The following APP variants were observed in gnomAD, a reference collection of about 807,000 sequenced individuals.
APP encodes the protein amyloid-beta precursor protein.
A neutral mutation model predicts 101.4 loss-of-function variants in APP; 31 were observed. The observed-to-expected ratio is 0.31, with a 90% CI of 0.23 to 0.41. The LOEUF (loss-of-function observed/expected upper bound fraction) is 0.41. Ranked by LOEUF, APP falls within the 10% of genes least tolerant of loss-of-function variation. APP has a pLI of 1.00. For missense variants in APP, 839 were observed against 1,003.7 expected (o/e 0.84, Z 2.22); for synonymous variants, 366 against 364.4 (o/e 1.00, Z -0.05).
Position 26,005,717 on chromosome 21 carries a change from T to C in APP, c.866-5535A>G, listed in dbSNP as rs144511175. Reference sequence around the variant, plus strand: ...AGTTCAAATGCTTATGTTTACATTTTCTATTTTTCTCAATAGCATAATTTC... The same window carrying C: ...AGTTCAAATGCTTATGTTTACATTTCCTATTTTTCTCAATAGCATAATTTC... On this transcript the variant is annotated intron_variant, in intron 6 of 17. Transcript: ENST00000346798. Among the ~76,000 whole-genome samples the C allele has an allele frequency of 8.5e-5, 13 of 152,356 alleles. No individual in the cohort carries two copies. The East Asian group carries it at 2.5e-3, about 29-fold the overall frequency.
At chr21:26,044,090 A>G (rs185933553) in intron 5 of APP, among the ~76,000 whole-genome samples, 1 of 152,336 alleles carries the variant, frequency 6.6e-6, no homozygotes. Flanking sequence ...AGGTGATGCA[A>G]TAGGGAAATT....
At chr21:26,098,950 G>GA (rs1035242089) in intron 2 of APP, among the ~76,000 whole-genome samples, 28 of 152,104 alleles carry the variant, frequency 1.8e-4, no homozygotes, top group Admixed American at 1.2e-3. Context: ...ATAGTTAAGG[G>GA]AAAAAACCTG....
intron 13 of APP, among the ~76,000 whole-genome samples, chr21:25,933,290 A>G (rs1011249501): frequency 6.6e-6 from 1 of 152,100 alleles, no homozygotes; most frequent in Non-Finnish European, 1.5e-5. Flanking sequence ...TTTTGTAGAG[A>G]TGGGGTCTCA....
chr21:25,943,727 C>T (rs1439028066), intron 13 of APP, among the ~76,000 whole-genome samples: 1 of 152,196 alleles, frequency 6.6e-6, no homozygotes, highest in Non-Finnish European at 1.5e-5. Context: ...AGCCACTGTG[C>T]CCAGTCTATC....
chr21:25,910,355 C>A (rs947308038), intron 14 of APP, among the ~76,000 whole-genome samples: 1 of 152,132 alleles, frequency 6.6e-6, no homozygotes, highest in Non-Finnish European at 1.5e-5. Flanking sequence ...TGGTCTCGAT[C>A]TCCTGACCTT....
chr21:25,945,655 T>C, intron 13 of APP: 1 of 280,852 alleles, frequency 3.6e-6, no homozygotes, highest in South Asian at 3.0e-5. Flanking sequence ...GACAATTGAT[T>C]TTGTGTAATA....
intron 2 of APP, among the ~76,000 whole-genome samples, chr21:26,105,545 A>G (rs2062163057): frequency 6.6e-6 from 1 of 152,194 alleles, no homozygotes; most frequent in African/African-American, 2.4e-5. Context: ...AGGCAAAACG[A>G]ACACTTTCCA....
intron 2 of APP, among the ~76,000 whole-genome samples, chr21:26,095,670 G>C (rs61040172): frequency 0.047 from 7,145 of 152,196 alleles, 275 homozygotes; most frequent in East Asian, 0.13. Context: ...TGCAGATATA[G>C]GAGGACTACT....
intron 8 of APP, among the ~76,000 whole-genome samples, chr21:25,996,751 G>A (rs1211670056): frequency 6.6e-6 from 1 of 152,208 alleles, no homozygotes; most frequent in Non-Finnish European, 1.5e-5. Flanking sequence ...CGATTGTGCG[G>A]GATGCGCCAG....
chr21:25,892,949 T>TAAAAA (rs768171775), intron 16 of APP, among the ~76,000 whole-genome samples: 2 of 90,730 alleles, frequency 2.2e-5, no homozygotes, highest in African/African-American at 6.7e-5. Flanking sequence ...AGATAGTATT[T>TAAAAA]AAAAAAAAAA....
chr21:26,067,928 A>C (rs958117764), intron 3 of APP, among the ~76,000 whole-genome samples: 10 of 152,022 alleles, frequency 6.6e-5, no homozygotes, highest in African/African-American at 2.4e-4. Context: ...AAAAAAAAAA[A>C]ACAAAAAACT....
Position 25,881,007 on chromosome 21 carries a change from G to A in APP, c.*663C>T, listed in dbSNP as rs572356515. 6 of 134,164 alleles carry A rather than the reference G, an allele frequency of 4.5e-5. No individual in the cohort carries two copies. The highest frequency in any genetic ancestry group is 6.3e-5 in the Non-Finnish European group (4 of 63,974). 8.3% of individuals were successfully genotyped at this position (134,164 alleles called of 1,614,324 possible). A position where few individuals can be genotyped will look rare whatever the true frequency, so the allele number is the denominator to read the frequency against. On this transcript the variant is annotated 3_prime_UTR_variant, in exon 18 of 18. Coordinates refer to ENST00000346798, the MANE Select transcript of APP (RefSeq NM_000484.4). ...TTCTTTATCAAAGACCCAAAGATAC[G>A]TGGACAAAAAAAGAAAAGCTTGAAG...
At chr21:25,952,178 C>T (rs1013025828) in intron 13 of APP, among the ~76,000 whole-genome samples, 1 of 122,910 alleles carries the variant, frequency 8.1e-6, no homozygotes, top group Non-Finnish European at 1.7e-5. Flanking sequence ...GGATTGAGAG[C>T]ATATTACATA....
rs377032229 is a variant in APP, at chr21:25,974,041, G to A, written c.1458+1029C>T. The stretch of plus-strand genomic sequence containing the variant: ...CAAGTAAGCTCTCCCACAGAATGCC[G>A]GTGAACACATCTATGCCTGTACCAC... On this transcript the variant is annotated intron_variant, in intron 11 of 17. Transcript: ENST00000346798. Among the ~76,000 whole-genome samples, 69 of 151,446 alleles carry A rather than the reference G, an allele frequency of 4.6e-4. 2 individuals carry two copies. In the South Asian group the frequency reaches 0.01, roughly 22 times the overall value.
intron 1 of APP, among the ~76,000 whole-genome samples, chr21:26,151,097 G>A (rs1017312292): frequency 6.6e-6 from 1 of 152,182 alleles, no homozygotes; most frequent in Non-Finnish European, 1.5e-5. Context: ...TAAATTTGAA[G>A]ATAAATACCG....
intron 16 of APP, among the ~76,000 whole-genome samples, chr21:25,896,708 G>A (rs1382400674): frequency 6.6e-6 from 1 of 152,108 alleles, no homozygotes; most frequent in Non-Finnish European, 1.5e-5. Flanking sequence ...CTAACATTAG[G>A]GGGGAAAAGT....
chr21:25,887,569 T>C (rs1261639992), intron 17 of APP, among the ~76,000 whole-genome samples: 1 of 141,422 alleles, frequency 7.1e-6, no homozygotes, highest in Non-Finnish European at 1.5e-5. Context: ...CATTTCCAAA[T>C]GCTAACAACT....
chr21:25,881,812 A>G lies in APP; in HGVS notation c.2212-41T>C, dbSNP rs202056232. On this transcript the variant is annotated intron_variant, in intron 17 of 17. Transcript: ENST00000346798. Reference sequence around the variant, plus strand: ...AGAGCTGAGTAAAAAATAAAAATCAATCTTTTAAGGGTGAACATGGAGAAG... The same window carrying G: ...AGAGCTGAGTAAAAAATAAAAATCAGTCTTTTAAGGGTGAACATGGAGAAG... The G allele has an allele frequency of 9.8e-5, 155 of 1,578,804 alleles. No homozygotes were observed. In the Middle Eastern group the frequency reaches 1.2e-3, roughly 12 times the overall value.
chr21:25,944,745 G>C (rs377579424), intron 13 of APP, among the ~76,000 whole-genome samples: 1 of 152,102 alleles, frequency 6.6e-6, no homozygotes, highest in Non-Finnish European at 1.5e-5. Context: ...CTTGAAGGCA[G>C]ATGCTTGTGA....
Sources: allele counts gnomAD v4.1 joint callset (sites outside exome capture counted in the v4.1 genomes callset), GRCh38; gene constraint gnomAD v4.1.1; transcripts MANE v1.5; gene names NCBI Gene and HGNC (gene_info 2026-07-23, HGNC 2026-07-21).